KIAA2012: variants seen among roughly 807,000 people sequenced by gnomAD.
KIAA2012 encodes KIAA2012.
KIAA2012 carries 125 observed loss-of-function variants against 150.6 expected under a neutral mutation model. The ratio of observed to expected loss-of-function variants is 0.83; its 90% confidence interval spans 0.72 to 0.96. KIAA2012 has a LOEUF of 0.96. KIAA2012 is among the 40% of genes least tolerant of loss of function. KIAA2012 has a pLI of 0.00. For missense variants in KIAA2012, 1,219 were observed against 1,354.9 expected (o/e 0.90, Z 1.57); for synonymous variants, 462 against 504.7 (o/e 0.92, Z 1.13).
chr2:202,099,369 T>C (rs1344478926), intron 5 of KIAA2012, among the ~76,000 whole-genome samples: 2 of 152,180 alleles, frequency 1.3e-5, no homozygotes, highest in Non-Finnish European at 2.9e-5. Context: ...GTGATTTTTT[T>C]TCACAAGATC....
At chr2:202,129,147 T>C (rs1401038379) in intron 12 of KIAA2012, among the ~76,000 whole-genome samples, 1 of 151,736 alleles carries the variant, frequency 6.6e-6, no homozygotes, top group Non-Finnish European at 1.5e-5. Context: ...ATAAAATACC[T>C]GATACCCCCT....
intron 2 of KIAA2012, among the ~76,000 whole-genome samples, chr2:202,087,728 G>A (rs1689606198): frequency 6.6e-6 from 1 of 151,972 alleles, no homozygotes; most frequent in African/African-American, 2.4e-5. Context: ...TCACAAGATG[G>A]TCCCATACTT....
chr2:202,192,668 G>A (rs1361936086), intron 19 of KIAA2012, among the ~76,000 whole-genome samples: 1 of 152,074 alleles, frequency 6.6e-6, no homozygotes, highest in Non-Finnish European at 1.5e-5. Context: ...TGTTGGCCAT[G>A]CTGGCCTGGA....
At position 202,092,951 on chromosome 2, in the gene KIAA2012, G is replaced by T; in HGVS notation, c.530-79G>T. The T allele has an allele frequency of 4.0e-6, 5 of 1,265,062 alleles. No homozygotes were observed. The Middle Eastern group carries it at 5.7e-4, about 144-fold the overall frequency. 78.4% of individuals were successfully genotyped at this position (1,265,062 alleles called of 1,614,324 possible). A position where few individuals can be genotyped will look rare whatever the true frequency, so the allele number is the denominator to read the frequency against. On this transcript the variant is annotated intron_variant, in intron 3 of 23. Transcript: ENST00000498697. ...GTCCAAAGCCAAGACTAGTGTAAGT[G>T]AGGAACCTTGTAGTTACCACCAAGA...
At chr2:202,114,526 C>T (rs532615688) in intron 11 of KIAA2012, 1 of 167,234 alleles carries the variant, frequency 6.0e-6, no homozygotes, top group South Asian at 2.1e-4. Context: ...ATTCTGTTCA[C>T]CTGCTGCACA....
At chr2:202,138,531 G>C (rs1366873857) in intron 13 of KIAA2012, 23 bp downstream of exon 13, 1 of 1,523,050 alleles carries the variant, frequency 6.6e-7, no homozygotes, top group South Asian at 1.2e-5. Context: ...CTCTGAATGA[G>C]GATGACACTA....
intron 2 of KIAA2012, among the ~76,000 whole-genome samples, chr2:202,078,223 A>G (rs535118037): frequency 6.6e-6 from 1 of 152,402 alleles, no homozygotes; most frequent in South Asian, 2.1e-4. Context: ...AAATCATGTA[A>G]TGACCTGGGT....
chr2:202,168,240 G>A (rs1384122321), intron 15 of KIAA2012, among the ~76,000 whole-genome samples: 1 of 151,966 alleles, frequency 6.6e-6, no homozygotes, highest in Admixed American at 6.6e-5. Flanking sequence ...CCATCATGGT[G>A]AAACCCCATC....
intron 11 of KIAA2012, among the ~76,000 whole-genome samples, chr2:202,124,773 A>G (rs1320809657): frequency 1.3e-5 from 2 of 152,220 alleles, no homozygotes; most frequent in East Asian, 3.8e-4. Context: ...TGGATTTTCA[A>G]AAACATCCAA....
chr2:202,118,600 CT>C (rs5837805), intron 11 of KIAA2012, among the ~76,000 whole-genome samples: 64,553 of 151,998 alleles, frequency 0.42, 15,025 homozygotes, highest in South Asian at 0.57. Context: ...TGGGCAGTTT[CT>C]GTTCTGGGCT....
chr2:202,195,458 T>C (rs1574317499), intron 21 of KIAA2012, among the ~76,000 whole-genome samples: 1 of 151,616 alleles, frequency 6.6e-6, no homozygotes, highest in African/African-American at 2.4e-5. Flanking sequence ...GAGGCGGAAG[T>C]TGCAGTGAGC....
Position 202,196,901 on chromosome 2 carries a change from C to T in KIAA2012, c.3289C>T (p.Arg1097Trp), listed in dbSNP as rs778992896. Residue 1097 changes from arginine (R) to tryptophan (W), a missense_variant, in exon 22 of 24, where the codon CGG becomes TGG. Transcript: ENST00000498697. ...AGAGGAACGACTGGAGTACCAGCGG[C>T]GGAAACAGGAAGCAGAAGAGAAGGC... Reference protein sequence around the residue: ...AEEERLEYQRRKQEAEEKARL... With the variant: ...AEEERLEYQRWKQEAEEKARL... 113 of 1,550,344 alleles carry T rather than the reference C, an allele frequency of 7.3e-5. No individual in the cohort carries two copies. The highest frequency in any genetic ancestry group is 9.7e-5 in the Non-Finnish European group (111 of 1,146,956).
chr2:202,201,483 C>T (rs539625722), intron 22 of KIAA2012: 563 of 1,601,514 alleles, frequency 3.5e-4, no homozygotes, highest in Non-Finnish European at 4.5e-4. Context: ...CTGAGCAGCA[C>T]TGGGAGGGCA....
chr2:202,099,566 C>A, intron 5 of KIAA2012, 47 bp from the exon 6 acceptor site: 1 of 1,467,516 alleles, frequency 6.8e-7, no homozygotes, highest in Non-Finnish European at 9.2e-7. Context: ...CTGCTCTGCC[C>A]CTTTATGACA....
intron 11 of KIAA2012, chr2:202,114,667 T>A (rs1690467740): frequency 6.0e-6 from 1 of 166,398 alleles, no homozygotes; most frequent in Admixed American, 6.5e-5. Flanking sequence ...CATTTTAGTA[T>A]CCCTGGCACC....
At chr2:202,160,470 T>C (rs367787117) in intron 14 of KIAA2012, among the ~76,000 whole-genome samples, 68 of 152,150 alleles carry the variant, frequency 4.5e-4, no homozygotes, top group African/African-American at 1.1e-3. Context: ...CCCGCCACCA[T>C]GCCCAGCTGA....
intron 21 of KIAA2012, 41 bp downstream of exon 21, chr2:202,194,403 G>T (rs1293934453): frequency 6.5e-7 from 1 of 1,545,162 alleles, no homozygotes; most frequent in South Asian, 1.2e-5. Context: ...TCTTCTACTT[G>T]GGGCAGAAAC....
chr2:202,105,983 T>C, intron 9 of KIAA2012, 73 bp downstream of exon 9: 1 of 1,549,756 alleles, frequency 6.5e-7, no homozygotes, highest in Non-Finnish European at 8.7e-7. Context: ...CACACAAGGG[T>C]CCACAGCCAA....
chr2:202,131,897 CT>C (rs1690938679), intron 12 of KIAA2012, among the ~76,000 whole-genome samples: 1 of 152,070 alleles, frequency 6.6e-6, no homozygotes, highest in Non-Finnish European at 1.5e-5. Context: ...GCTAAGAGGC[CT>C]GGTGCGGTGG....
Sources: gnomAD v4.1 joint callset for allele counts (sites outside exome capture counted in the v4.1 genomes callset) on GRCh38, gnomAD v4.1.1 for gene constraint, MANE v1.5 for transcripts, NCBI Gene and HGNC (gene_info 2026-07-23, HGNC 2026-07-21) for gene names.